The following RNF38 variants were observed in gnomAD, a reference collection of about 807,000 sequenced individuals.
RNF38 encodes E3 ubiquitin-protein ligase RNF38.
In RNF38, 15 loss-of-function variants were observed where a neutral mutation model predicts 67.2. The ratio of observed to expected loss-of-function variants is 0.22; its 90% CI spans 0.15 to 0.34. The LOEUF (loss-of-function observed/expected upper bound fraction) is 0.34. Ranked by LOEUF, RNF38 falls within the 10% of genes least tolerant of loss-of-function variation. RNF38 has a pLI of 1.00. For missense variants in RNF38, 524 were observed against 639.9 expected (o/e 0.82, Z 1.95); for synonymous variants, 220 against 218.8 (o/e 1.01, Z -0.05).
intron 2 of RNF38, among the ~76,000 whole-genome samples, chr9:36,407,541 C>G (rs1329286951): frequency 6.6e-6 from 1 of 152,092 alleles, no homozygotes; most frequent in Admixed American, 6.6e-5. Flanking sequence ...AAGTGGAGAC[C>G]CAAGGGCACA....
At chr9:36,377,527 T>C (rs1209558021) in intron 2 of RNF38, among the ~76,000 whole-genome samples, 1 of 152,204 alleles carries the variant, frequency 6.6e-6, no homozygotes, top group East Asian at 1.9e-4. Flanking sequence ...ATAATCAATT[T>C]TATTATCATT....
At chr9:36,405,597 C>A (rs1587625486), upstream of RNF38, among the ~76,000 whole-genome samples, 1 of 152,126 alleles carries the variant, frequency 6.6e-6, no homozygotes, top group South Asian at 2.1e-4. Context: ...AGAAGTGTTT[C>A]TTTAAGACTG....
chr9:36,454,827 A>G (rs1000227469), intron 1 of RNF38, among the ~76,000 whole-genome samples: 1 of 151,256 alleles, frequency 6.6e-6, no homozygotes, highest in African/African-American at 2.4e-5. Flanking sequence ...TAAATGATCC[A>G]CCCGCCTCGG....
chr9:36,343,153 C>G (rs1832969989), intron 10 of RNF38, among the ~76,000 whole-genome samples: 1 of 151,820 alleles, frequency 6.6e-6, no homozygotes, highest in Non-Finnish European at 1.5e-5. Context: ...TTATTTTTTC[C>G]TGAATATTTT....
intron 1 of RNF38, among the ~76,000 whole-genome samples, chr9:36,453,539 C>T (rs933130189): frequency 1.3e-5 from 2 of 152,038 alleles, no homozygotes; most frequent in African/African-American, 2.4e-5. Context: ...CACGCTGCCA[C>T]GACTGGCTAA....
chr9:36,398,075 TAACA>T (rs1353859885), intron 1 of RNF38, among the ~76,000 whole-genome samples: 1 of 152,198 alleles, frequency 6.6e-6, no homozygotes, highest in Non-Finnish European at 1.5e-5. Context: ...TTTTATTAAA[TAACA>T]ATCATAATTC....
chr9:36,373,986 C>T (rs530378905), intron 3 of RNF38, among the ~76,000 whole-genome samples: 111 of 152,196 alleles, frequency 7.3e-4, no homozygotes, highest in African/African-American at 2.4e-3. Flanking sequence ...CCACTGCGCC[C>T]GGCCTGCCTT....
At chr9:36,366,505 T>G (rs1316080392) in intron 4 of RNF38, among the ~76,000 whole-genome samples, 1 of 152,258 alleles carries the variant, frequency 6.6e-6, no homozygotes. Context: ...TATTCATTTT[T>G]TGTAACATTT....
intron 1 of RNF38, among the ~76,000 whole-genome samples, chr9:36,473,948 T>C (rs1287270633): frequency 1.4e-5 from 2 of 139,746 alleles, no homozygotes; most frequent in Non-Finnish European, 3.0e-5. Context: ...ATCATGCCAC[T>C]GCACTCCAGC....
intron 5 of RNF38, among the ~76,000 whole-genome samples, chr9:36,357,193 G>C (rs1408881408): frequency 6.6e-6 from 1 of 152,034 alleles, no homozygotes. Context: ...AAGCTTCAGA[G>C]GCAAGAAAAA....
intron 9 of RNF38, among the ~76,000 whole-genome samples, chr9:36,350,345 G>A (rs1833607552): frequency 1.3e-5 from 2 of 152,170 alleles, no homozygotes; most frequent in South Asian, 4.1e-4. Flanking sequence ...GCAGAGTTTG[G>A]ACTCTTCACA....
At chr9:36,406,338 G>A (rs970942801) in intron 2 of RNF38, among the ~76,000 whole-genome samples, 13 of 152,188 alleles carry the variant, frequency 8.5e-5, no homozygotes, top group Non-Finnish European at 1.8e-4. Flanking sequence ...CTTACCTGCT[G>A]GAAGTTCTGG....
In RNF38 at chr9:36,369,948, AAAAG is replaced by A. The variant is rs1413788859; in HGVS notation, c.357-20_357-17del. ...GACAGGAGGACTGTGATAAATATCA[AAAAG>A]AAAGTCATTATGCTTATTGTGATCC... On this transcript the variant is annotated splice_polypyrimidine_tract_variant and intron_variant, in intron 3 of 11. Coordinates refer to ENST00000259605, the MANE Select transcript of RNF38 (RefSeq NM_022781.5). 3 of 1,601,210 alleles carry A rather than the reference AAAAG, an allele frequency of 1.9e-6. No homozygotes were observed. The African/African-American group carries it at 4.0e-5, about 21-fold the overall frequency.
chr9:36,341,766 G>A (rs1832848645), intron 11 of RNF38, among the ~76,000 whole-genome samples: 1 of 113,802 alleles, frequency 8.8e-6, no homozygotes, highest in African/African-American at 3.4e-5. Context: ...ACTCCAGACT[G>A]GGTGACACAC....
intron 4 of RNF38, 133 bp downstream of exon 4, chr9:36,369,586 G>C: frequency 2.9e-6 from 2 of 687,216 alleles, no homozygotes; most frequent in Non-Finnish European, 4.8e-6. Flanking sequence ...ATTCTTAAAA[G>C]GAATGAGGAA....
intron 1 of RNF38, among the ~76,000 whole-genome samples, chr9:36,432,813 A>C (rs1838963501): frequency 6.6e-6 from 1 of 152,144 alleles, no homozygotes; most frequent in Non-Finnish European, 1.5e-5. Flanking sequence ...AAAACAAAGA[A>C]ATACTATTTC....
chr9:36,467,394 A>T (rs1235311065), intron 1 of RNF38, among the ~76,000 whole-genome samples: 1 of 151,776 alleles, frequency 6.6e-6, no homozygotes, highest in African/African-American at 2.4e-5. Context: ...AATACTTTGA[A>T]TATCACTAAT....
chr9:36,449,366 G>A (rs1392031482), intron 1 of RNF38, among the ~76,000 whole-genome samples: 1 of 152,064 alleles, frequency 6.6e-6, no homozygotes, highest in Non-Finnish European at 1.5e-5. Context: ...AGGAGTCTGA[G>A]GTTGAAATGA....
chr9:36,395,269 C>T (rs953688576), intron 1 of RNF38, among the ~76,000 whole-genome samples: 1 of 152,056 alleles, frequency 6.6e-6, no homozygotes, highest in African/African-American at 2.4e-5. Context: ...TAGGACAAGA[C>T]ACTGTCCCAA....
Sources: gnomAD v4.1 joint callset for allele counts (sites outside exome capture counted in the v4.1 genomes callset) on GRCh38, gnomAD v4.1.1 for gene constraint, MANE v1.5 for transcripts, NCBI Gene and HGNC (gene_info 2026-07-23, HGNC 2026-07-21) for gene names.